TTLL12: variants seen among roughly 807,000 people sequenced by gnomAD.
TTLL12 encodes tubulin--tyrosine ligase-like protein 12.
A neutral mutation model predicts 79.6 loss-of-function variants in TTLL12; 77 were observed. The ratio of observed to expected loss-of-function variants is 0.97; its 90% CI spans 0.81 to 1.17. The LOEUF (loss-of-function observed/expected upper bound fraction) is 1.17. Ranked by LOEUF, TTLL12 falls within the 50% of genes most tolerant of loss-of-function variation. TTLL12 has a pLI of 0.00. For synonymous variants in TTLL12, 437 were observed against 376.1 expected, an observed-to-expected ratio of 1.16 and a Z score of -1.87; for missense variants, 969 against 895.9, an observed-to-expected ratio of 1.08 and a Z score of -1.04.
intron 5 of TTLL12, among the ~76,000 whole-genome samples, chr22:43,179,212 T>C (rs1931988932): frequency 6.6e-6 from 1 of 152,256 alleles, no homozygotes. Context: ...TCAATAACAG[T>C]GACCATGATG....
At chr22:43,171,047 T>C (rs919011912) in intron 11 of TTLL12, among the ~76,000 whole-genome samples, 2 of 152,178 alleles carry the variant, frequency 1.3e-5, no homozygotes, top group Non-Finnish European at 2.9e-5. Flanking sequence ...TCGGGGAGCG[T>C]TGGGGCTGGC....
chr22:43,180,992 G>A, intron 2 of TTLL12, 52 bp from the exon 3 acceptor site: 2 of 1,569,934 alleles, frequency 1.3e-6, no homozygotes, highest in Middle Eastern at 2.3e-4. Flanking sequence ...GGGGCAAAGG[G>A]AAGTCGGGGG....
chr22:43,169,508 C>G lies in TTLL12; in HGVS notation c.1636G>C (p.Asp546His). 3.8e-6 allele frequency: 6 copies of G among 1,599,450 alleles called. No individual in the cohort carries two copies. The highest frequency in any genetic ancestry group is 5.1e-6 in the Non-Finnish European group (6 of 1,171,346). Reference protein sequence around the residue: ...EKQYPEFPWTDVQAEIFRAFT... With the variant: ...EKQYPEFPWTHVQAEIFRAFT... ...TGCAGGACAGGAATTACCTGGACGT[C>G]CGTCCAGGGAAATTCTGGGTATTGC... The change falls in exon 12 of 14, where the codon GAC becomes CAC. Residue 546 changes from aspartate to histidine, a missense_variant. Coordinates refer to ENST00000216129, the MANE Select transcript of TTLL12 (RefSeq NM_015140.4).
intron 5 of TTLL12, among the ~76,000 whole-genome samples, chr22:43,178,217 C>T (rs138966078): frequency 3.0e-4 from 46 of 152,302 alleles, no homozygotes; most frequent in South Asian, 2.1e-3. Context: ...GGTTCAATCA[C>T]CACTGACTTA....
chr22:43,178,029 T>C (rs961962391), intron 5 of TTLL12, among the ~76,000 whole-genome samples: 2 of 152,200 alleles, frequency 1.3e-5, no homozygotes, highest in East Asian at 1.9e-4. Context: ...CTTTAGTTCA[T>C]GTTCCATTAA....
chr22:43,177,904 G>C (rs893209952), intron 5 of TTLL12, among the ~76,000 whole-genome samples: 4 of 152,206 alleles, frequency 2.6e-5, no homozygotes, highest in Admixed American at 2.6e-4. Flanking sequence ...AGGCAACCCT[G>C]GGCCCAGAGC....
chr22:43,177,756 A>G (rs1931952124), intron 5 of TTLL12, among the ~76,000 whole-genome samples: 1 of 152,230 alleles, frequency 6.6e-6, no homozygotes, highest in Non-Finnish European at 1.5e-5. Flanking sequence ...ACCTCAAGGG[A>G]GACTTGAGGC....
intron 11 of TTLL12, 96 bp from the exon 12 acceptor site, chr22:43,169,664 TG>T (rs1569483228): frequency 2.2e-6 from 3 of 1,350,990 alleles, no homozygotes; most frequent in Non-Finnish European, 3.1e-6. Context: ...CTTCTGACAC[TG>T]GGTGGGGGTT....
intron 11 of TTLL12, among the ~76,000 whole-genome samples, chr22:43,170,950 C>A (rs1416825075): frequency 6.6e-6 from 1 of 152,106 alleles, no homozygotes; most frequent in Non-Finnish European, 1.5e-5. Flanking sequence ...CCTAAGTAAG[C>A]AAAACAGCAG....
At chr22:43,180,328 AG>A (rs2146621782) in intron 3 of TTLL12, among the ~76,000 whole-genome samples, 1 of 152,200 alleles carries the variant, frequency 6.6e-6, no homozygotes, top group South Asian at 2.1e-4. Context: ...AGCTCAGGGA[AG>A]GGTCCCTGGA....
At position 43,174,534 on chromosome 22, in the gene TTLL12, GTC is replaced by G; in HGVS notation, c.997_998del (p.Asp333HisfsTer63). ...TGAAGTGTGAGAAGTTGAAGAGGAT[GTC>G]GGCGTCCGCCTCACTCTGGGTGAGG... The part of the protein sequence containing the change: ...FTLTQSEADA[D>X]ILFNFSHFKD... On this transcript the variant is annotated frameshift_variant, in exon 7 of 14. Coordinates refer to ENST00000216129, the MANE Select transcript of TTLL12 (RefSeq NM_015140.4). LOFTEE classifies it high-confidence loss of function. The G allele has an allele frequency of 6.2e-7, 1 of 1,613,468 alleles. No homozygotes were observed. The highest frequency in any genetic ancestry group is 8.5e-7 in the Non-Finnish European group (1 of 1,179,734).
intron 1 of TTLL12, 28 bp from the exon 2 acceptor site, chr22:43,183,177 G>C: frequency 6.2e-7 from 1 of 1,611,706 alleles, no homozygotes; most frequent in Non-Finnish European, 8.5e-7. Context: ...CGTCAGCAGG[G>C]GTGTGGGCAG....
Position 43,187,016 on chromosome 22 carries a change from G to A in TTLL12, c.54C>T (p.Gly18=). 1 of 1,248,974 alleles carries A rather than the reference G, an allele frequency of 8.0e-7. No individual in the cohort carries two copies. The highest frequency in any genetic ancestry group is 2.6e-5 in the South Asian group (1 of 38,850). The allele number at this position is 1,248,974 out of a possible 1,614,324, so 77.4% of individuals were successfully genotyped here. The stretch of plus-strand genomic sequence containing the variant: ...CCTGCGCGCCCTCCTCCGGCGTCTG[G>A]CCCGGGCTGCTACGCTCCGCAGGCC... ...ERRPAERSSP[G]QTPEEGAQAL... The change falls in exon 1 of 14, where the codon GGC becomes GGT. Residue 18 remains glycine, a synonymous_variant. Coordinates refer to ENST00000216129, the MANE Select transcript of TTLL12 (RefSeq NM_015140.4).
chr22:43,182,046 G>GAAAGGCCCGGAA (rs1205893732), intron 2 of TTLL12, among the ~76,000 whole-genome samples: 2 of 150,674 alleles, frequency 1.3e-5, no homozygotes, highest in Non-Finnish European at 2.9e-5. Flanking sequence ...CCCGGAAGCA[G>GAAAGGCCCGGAA]GTGGGGCTGA....
At chr22:43,169,234 CAGGCAG>C (rs1931699380) in intron 12 of TTLL12, among the ~76,000 whole-genome samples, 1 of 152,212 alleles carries the variant, frequency 6.6e-6, no homozygotes, top group Admixed American at 6.5e-5. Flanking sequence ...AATCTAGGGT[CAGGCAG>C]TGCCGCCACC....
rs2147074322 is a variant in TTLL12, at chr22:43,179,824, G to A, written c.706+17C>T. 6.4e-7 allele frequency: 1 copy of A among 1,563,292 alleles called. No individual in the cohort carries two copies. The highest frequency in any genetic ancestry group is 1.4e-5 in the African/African-American group (1 of 73,840). ...GGCTGAGGCCCCTCCTCCAGGGCGGGCAGGTGCTGGACTTACCGCCAGTGT... is the reference window on the plus strand; with the variant it reads ...GGCTGAGGCCCCTCCTCCAGGGCGGACAGGTGCTGGACTTACCGCCAGTGT... On this transcript the variant is annotated intron_variant, in intron 4 of 13. Coordinates refer to ENST00000216129, the MANE Select transcript of TTLL12 (RefSeq NM_015140.4).
At position 43,172,470 on chromosome 22, in the gene TTLL12, G is replaced by T. The variant is rs1367083106; in HGVS notation, c.1426C>A (p.Leu476Met). The part of the protein sequence containing the change: ...KVKFDIRYIV[L>M]LRSVRPLRLF... The stretch of plus-strand genomic sequence containing the variant: ...CGTAGGGGCCTCACTGACCGCAGCA[G>T]CACGATGTAGCGGATGTCGAACTTG... Residue 476 changes from leucine (L) to methionine (M), a missense_variant, in exon 10 of 14, where the codon CTG (leucine) becomes ATG (methionine). By Grantham distance (15) the Leu-to-Met change is conservative. Transcript: ENST00000216129. 6.2e-7 allele frequency: 1 copy of T among 1,614,188 alleles called. No homozygotes were observed. The highest frequency in any genetic ancestry group is 8.5e-7 in the Non-Finnish European group (1 of 1,180,034).
Position 43,168,084 on chromosome 22 carries a change from G to A in TTLL12, c.1859C>T (p.Pro620Leu). 1 of 1,614,166 alleles carries A rather than the reference G, an allele frequency of 6.2e-7. No homozygotes were observed. The highest frequency in any genetic ancestry group is 8.5e-7 in the Non-Finnish European group (1 of 1,180,016). Residue 620 changes from proline to leucine, a missense_variant, in exon 14 of 14, where the codon CCC (proline) becomes CTC (leucine). Transcript: ENST00000216129. ...GCTGAAGACGTCGTTGAAGAAGGTG[G>A]GGTGGTACCTGCAGGCTCGCTCACA... Reference protein sequence around the residue: ...PDCERACRYHPTFFNDVFSTL... With the variant: ...PDCERACRYHLTFFNDVFSTL...
chr22:43,168,244 G>A, intron 13 of TTLL12, 85 bp from the exon 14 acceptor site: 4 of 1,540,710 alleles, frequency 2.6e-6, no homozygotes, highest in Middle Eastern at 3.5e-4. Context: ...AGCAAAGGCT[G>A]GGAGGCCATG....
Sources: allele counts gnomAD v4.1 joint callset (sites outside exome capture counted in the v4.1 genomes callset), GRCh38; gene constraint gnomAD v4.1.1; transcripts MANE v1.5; gene names NCBI Gene and HGNC (gene_info 2026-07-23, HGNC 2026-07-21).